Variants in HERC3 observed in about 807,000 individuals in gnomAD.
HERC3 encodes probable E3 ubiquitin-protein ligase HERC3.
HERC3 carries 58 observed loss-of-function variants against 129.9 expected under a neutral mutation model. The ratio of observed to expected loss-of-function variants is 0.45; its 90% CI spans 0.36 to 0.56. HERC3 has a LOEUF of 0.56. Ranked by LOEUF, HERC3 falls within the 20% of genes least tolerant of loss-of-function variation. The pLI is 0.00. For synonymous variants in HERC3, 430 were observed against 451.0 expected (o/e 0.95, Z 0.59); for missense variants, 835 against 1,244.2 (o/e 0.67, Z 4.95).
At chr4:88,693,515 T>C (rs905214394) in intron 23 of HERC3, 9 of 974,092 alleles carry the variant, frequency 9.2e-6, no homozygotes, top group Non-Finnish European at 1.1e-5. Flanking sequence ...TACTGCTGTT[T>C]ACCTCTAAAA....
chr4:88,558,284 A>C, the HERC3 span, among the ~76,000 whole-genome samples: 15 of 152,116 alleles, frequency 9.9e-5, no homozygotes, highest in Non-Finnish European at 2.1e-4. Context: ...GATAAAGAAA[A>C]TGTGGTATAT....
chr4:88,570,524 T>C, the HERC3 span, among the ~76,000 whole-genome samples: 1 of 152,184 alleles, frequency 6.6e-6, no homozygotes, highest in South Asian at 2.1e-4. Flanking sequence ...CAAAATCAGA[T>C]TGTGGTTAAT....
At chr4:88,606,294 C>G (rs912351052) in intron 3 of HERC3, among the ~76,000 whole-genome samples, 1 of 150,964 alleles carries the variant, frequency 6.6e-6, no homozygotes, top group Admixed American at 6.6e-5. Context: ...CTCCGTCGCC[C>G]AGGCTTGAGT....
chr4:88,636,224 C>T (rs1252898859), intron 3 of HERC3, among the ~76,000 whole-genome samples: 1 of 151,966 alleles, frequency 6.6e-6, no homozygotes, highest in African/African-American at 2.4e-5. Flanking sequence ...GAGTCAAGAC[C>T]CATTGGTTTG....
intron 3 of HERC3, among the ~76,000 whole-genome samples, chr4:88,609,609 G>A (rs750177057): frequency 7.9e-4 from 121 of 152,246 alleles, no homozygotes; most frequent in Non-Finnish European, 1.4e-3. Context: ...TCCTGTAAAA[G>A]GAGTAGACTT....
At chr4:88,624,890 T>C (rs1490355344) in intron 3 of HERC3, among the ~76,000 whole-genome samples, 1 of 152,206 alleles carries the variant, frequency 6.6e-6, no homozygotes, top group Non-Finnish European at 1.5e-5. Flanking sequence ...GTAGGTGATA[T>C]AATGGTCAAG....
intron 12 of HERC3, among the ~76,000 whole-genome samples, chr4:88,666,978 C>A (rs550145788): frequency 6.6e-6 from 1 of 152,150 alleles, no homozygotes; most frequent in African/African-American, 2.4e-5. Flanking sequence ...TGTACCAAGC[C>A]ACAGCATCTA....
the HERC3 span, among the ~76,000 whole-genome samples, chr4:88,537,860 T>A: frequency 6.6e-6 from 1 of 152,242 alleles, no homozygotes; most frequent in Non-Finnish European, 1.5e-5. Context: ...GAGATCTGCA[T>A]TTAGCAGCCC....
At chr4:88,578,368 G>A in the HERC3 span, among the ~76,000 whole-genome samples, 156 of 152,236 alleles carry the variant, frequency 1.0e-3, 2 homozygotes, top group Admixed American at 8.4e-3. Context: ...GATCACTTGA[G>A]GTCAGGAGTT....
chr4:88,599,090 C>T (rs1009553582), intron 2 of HERC3, among the ~76,000 whole-genome samples: 6 of 152,196 alleles, frequency 3.9e-5, no homozygotes, highest in African/African-American at 1.4e-4. Flanking sequence ...CCTTGGAGAT[C>T]AAAATGCCCA....
intron 7 of HERC3, among the ~76,000 whole-genome samples, chr4:88,654,391 C>CAA (rs1729653521): frequency 7.7e-6 from 1 of 130,584 alleles, no homozygotes. Context: ...TATATATACA[C>CAA]ACACACACAT....
chr4:88,670,103 C>G (rs1478927344), intron 15 of HERC3, 36 bp from the exon 16 acceptor site: 2 of 1,598,382 alleles, frequency 1.3e-6, no homozygotes, highest in South Asian at 2.2e-5. Flanking sequence ...CTCTGGGAAG[C>G]CATGTTTCAG....
chr4:88,604,933 C>A (rs576744703), intron 2 of HERC3, among the ~76,000 whole-genome samples: 5 of 151,996 alleles, frequency 3.3e-5, no homozygotes, highest in Middle Eastern at 6.8e-3. Context: ...GAATTGGTAG[C>A]GAGAGATGAG....
intron 3 of HERC3, among the ~76,000 whole-genome samples, chr4:88,638,759 A>G (rs927840955): frequency 1.3e-5 from 2 of 152,200 alleles, no homozygotes; most frequent in African/African-American, 4.8e-5. Context: ...ATCAAGAGAA[A>G]GAAATAAAGG....
Position 88,707,012 on chromosome 4 carries a change from G to A in HERC3, c.*52G>A, listed in dbSNP as rs1362933138. 3 of 1,396,528 alleles carry A rather than the reference G, an allele frequency of 2.1e-6. No homozygotes were observed. The highest frequency in any genetic ancestry group is 2.3e-5 in the South Asian group (2 of 85,516). 86.5% of individuals were successfully genotyped at this position (1,396,528 alleles called of 1,614,324 possible). On this transcript the variant is annotated 3_prime_UTR_variant, in exon 26 of 26. Transcript: ENST00000402738. ...CTTCGTTCCTCAGTGTCCACATTGAGGCCTATACAGAAAATCATGGGGAGT... is the reference window on the plus strand; with the variant it reads ...CTTCGTTCCTCAGTGTCCACATTGAAGCCTATACAGAAAATCATGGGGAGT...
chr4:88,661,585 T>C (rs1334790253), intron 10 of HERC3, among the ~76,000 whole-genome samples: 2 of 152,200 alleles, frequency 1.3e-5, no homozygotes, highest in African/African-American at 4.8e-5. Flanking sequence ...TCCTTAGTTC[T>C]CGATCAAGAA....
At chr4:88,534,849 G>T in the HERC3 span, among the ~76,000 whole-genome samples, 1 of 152,142 alleles carries the variant, frequency 6.6e-6, no homozygotes, top group African/African-American at 2.4e-5. Flanking sequence ...TGTTTTCAAT[G>T]ACTGTTCAGG....
chr4:88,605,853 C>A lies in HERC3; in HGVS notation c.30C>A (p.Gly10=). The A allele has an allele frequency of 6.2e-7, 1 of 1,614,134 alleles. No individual in the cohort carries two copies. Among genetic ancestry groups the A allele is most frequent in the Non-Finnish European group, 8.5e-7 (1 of 1,180,002 alleles). The change falls in exon 3 of 26, where the codon GGC becomes GGA. Residue 10 remains glycine, a synonymous_variant. Transcript: ENST00000402738. MLCWGYWSL[G]QPGISTNLQG... ...TATGTTGGGGATATTGGTCTCTGGG[C>A]CAACCTGGTATCAGCACCAACCTGC...
chr4:88,595,731 G>A (rs1312744883), intron 2 of HERC3, 117 bp downstream of exon 2: 2 of 151,992 alleles, frequency 1.3e-5, no homozygotes, highest in Non-Finnish European at 2.9e-5. Flanking sequence ...CCTAGAGAGG[G>A]ACCTAAACAA....
Sources: gnomAD v4.1 joint callset for allele counts (sites outside exome capture counted in the v4.1 genomes callset) on GRCh38, gnomAD v4.1.1 for gene constraint, MANE v1.5 for transcripts, NCBI Gene and HGNC (gene_info 2026-07-23, HGNC 2026-07-21) for gene names.